The following QTMAN variants were observed in gnomAD, a reference collection of about 807,000 sequenced individuals.
The protein encoded by QTMAN is tRNA-queuosine alpha-mannosyltransferase.
At chr2:144,068,711 A>G in the QTMAN span, among the ~76,000 whole-genome samples, 82 of 152,312 alleles carry the variant, frequency 5.4e-4, no homozygotes, top group African/African-American at 1.9e-3. Context: ...ATGTTTATGC[A>G]TCAACATTAT....
chr2:144,147,299 TTTTTA>T, the QTMAN span, among the ~76,000 whole-genome samples: 1 of 151,718 alleles, frequency 6.6e-6, no homozygotes, highest in Admixed American at 6.6e-5. Context: ...ATGCACTTAT[TTTTTA>T]AACCTGTCTG....
chr2:144,087,551 AT>A, the QTMAN span, among the ~76,000 whole-genome samples: 2 of 152,072 alleles, frequency 1.3e-5, no homozygotes, highest in African/African-American at 4.8e-5. Context: ...ACACAGATAG[AT>A]GCAAAAATCC....
the QTMAN span, among the ~76,000 whole-genome samples, chr2:144,076,001 C>A: frequency 6.6e-6 from 1 of 152,230 alleles, no homozygotes; most frequent in African/African-American, 2.4e-5. Flanking sequence ...GTAATCCCAG[C>A]ACTTTGGGAG....
At chr2:144,327,490 C>G in the QTMAN span, among the ~76,000 whole-genome samples, 2 of 152,262 alleles carry the variant, frequency 1.3e-5, no homozygotes, top group East Asian at 3.9e-4. Context: ...GGGAGACATC[C>G]TTAAGTGTCT....
chr2:144,212,356 G>T, the QTMAN span, among the ~76,000 whole-genome samples: 3 of 152,058 alleles, frequency 2.0e-5, no homozygotes, highest in Non-Finnish European at 2.9e-5. Flanking sequence ...CAGCTACTTG[G>T]GAGGCTGAAG....
At chr2:144,309,126 C>T in the QTMAN span, among the ~76,000 whole-genome samples, 1 of 152,084 alleles carries the variant, frequency 6.6e-6, no homozygotes, top group Admixed American at 6.5e-5. Context: ...AAGTGCTGGC[C>T]AGAATGTGGA....
chr2:144,157,842 T>A, the QTMAN span, among the ~76,000 whole-genome samples: 1 of 151,938 alleles, frequency 6.6e-6, no homozygotes. Flanking sequence ...ATATAGTACA[T>A]GCAAGATTCT....
At chr2:144,166,260 T>G in the QTMAN span, among the ~76,000 whole-genome samples, 58 of 152,170 alleles carry the variant, frequency 3.8e-4, no homozygotes, top group African/African-American at 1.4e-3. Context: ...TTCCCTCAAA[T>G]CAACCCAACC....
At chr2:144,097,575 G>A in the QTMAN span, among the ~76,000 whole-genome samples, 1 of 152,114 alleles carries the variant, frequency 6.6e-6, no homozygotes, top group Non-Finnish European at 1.5e-5. Context: ...TGGAGGGTGG[G>A]AAGGGGAGGG....
the QTMAN span, among the ~76,000 whole-genome samples, chr2:144,080,595 C>A: frequency 6.6e-6 from 1 of 152,120 alleles, no homozygotes; most frequent in African/African-American, 2.4e-5. Context: ...AAGCCTCACA[C>A]AGATTAAAAT....
the QTMAN span, among the ~76,000 whole-genome samples, chr2:144,305,113 C>T: frequency 4.6e-5 from 7 of 151,834 alleles, no homozygotes; most frequent in Non-Finnish European, 7.4e-5. Context: ...TTGATGAAGT[C>T]CAACATATTT....
At chr2:144,200,684 G>GA in the QTMAN span, among the ~76,000 whole-genome samples, 3 of 152,200 alleles carry the variant, frequency 2.0e-5, no homozygotes, top group Admixed American at 2.0e-4. Context: ...TTATACAAGG[G>GA]AAATTCCAGA....
the QTMAN span, among the ~76,000 whole-genome samples, chr2:144,009,169 G>A: frequency 0.049 from 7,412 of 152,074 alleles, 286 homozygotes; most frequent in African/African-American, 0.1. Flanking sequence ...AGTGAACCTC[G>A]CTTTCTTGCA....
chr2:144,108,531 G>A, the QTMAN span, among the ~76,000 whole-genome samples: 1 of 151,422 alleles, frequency 6.6e-6, no homozygotes, highest in Non-Finnish European at 1.5e-5. Flanking sequence ...CCAGCTACTG[G>A]AGAGGCTGAG....
chr2:144,132,532 G>A, the QTMAN span, among the ~76,000 whole-genome samples: 3 of 152,114 alleles, frequency 2.0e-5, no homozygotes, highest in South Asian at 2.1e-4. Context: ...TATCATAGCC[G>A]CTGGGCAGAT....
chr2:144,147,263 TA>T, the QTMAN span, among the ~76,000 whole-genome samples: 1,307 of 145,032 alleles, frequency 9.0e-3, 11 homozygotes, highest in African/African-American at 0.024. Flanking sequence ...TCTTTAAGGT[TA>T]AAAAAAAAAA....
At chr2:144,248,828 G>A in the QTMAN span, among the ~76,000 whole-genome samples, 2 of 151,138 alleles carry the variant, frequency 1.3e-5, no homozygotes, top group Admixed American at 1.3e-4. Context: ...CAGGTTGGTC[G>A]CTCTGATTGT....
chr2:144,260,394 T>C, the QTMAN span, among the ~76,000 whole-genome samples: 2 of 152,094 alleles, frequency 1.3e-5, no homozygotes, highest in African/African-American at 2.4e-5. Flanking sequence ...TGTTCCAAGA[T>C]ATAATGATTA....
the QTMAN span, among the ~76,000 whole-genome samples, chr2:144,136,470 GGAGAAAA>G: frequency 4.6e-5 from 7 of 150,936 alleles, no homozygotes; most frequent in African/African-American, 4.9e-5. Context: ...GAAGGAGAAA[GGAGAAAA>G]GAGAAAAGAG....
Sources: allele counts gnomAD v4.1 joint callset (sites outside exome capture counted in the v4.1 genomes callset), GRCh38; gene constraint gnomAD v4.1.1; transcripts MANE v1.5; gene names NCBI Gene and HGNC (gene_info 2026-07-23, HGNC 2026-07-21).